The following DNAI2 variants were observed in gnomAD, a reference collection of about 807,000 sequenced individuals.
DNAI2 encodes the protein dynein axonemal intermediate chain 2.
A neutral mutation model predicts 74.7 loss-of-function variants in DNAI2; 63 were observed. The ratio of observed to expected loss-of-function variants is 0.84; its 90% CI spans 0.69 to 1.04. The LOEUF is 1.04. DNAI2 is among the 50% of genes least tolerant of loss of function. DNAI2 has a pLI of 0.00. For missense variants in DNAI2, 688 were observed against 803.2 expected (o/e 0.86, Z 1.73); for synonymous variants, 289 against 314.9 (o/e 0.92, Z 0.87).
In DNAI2 at chr17:74,291,078, G is replaced by A. The variant is rs1211030253; in HGVS notation, c.669G>A (p.Glu223=). 2.5e-6 allele frequency: 4 copies of A among 1,614,108 alleles called. No homozygotes were observed. Among genetic ancestry groups the A allele is most frequent in the Non-Finnish European group, 3.4e-6 (4 of 1,180,052 alleles). ...CATCGTCTCCACTCGTGACGTTGGA[G>A]TTCAACCCCAAAGATTCCCACGTAC... ...LKPSSPLVTL[E]FNPKDSHVLL... Residue 223 remains glutamate (E), a synonymous_variant, in exon 6 of 14, where the codon GAG becomes GAA. Transcript: ENST00000311014.
At chr17:74,277,817 T>A (rs1377510020) in intron 1 of DNAI2, among the ~76,000 whole-genome samples, 2 of 152,264 alleles carry the variant, frequency 1.3e-5, no homozygotes, top group East Asian at 3.8e-4. Flanking sequence ...GGAGTCTGTG[T>A]ATTTTTAAGG....
intron 8 of DNAI2, among the ~76,000 whole-genome samples, chr17:74,301,882 GGAAGGAAGGAAGGAAGGAAGGAAGGAAA>G (rs2052805144): frequency 1.1e-4 from 3 of 27,368 alleles, no homozygotes; most frequent in African/African-American, 1.9e-4. Context: ...AAGGAAGGAA[GGAAGGAAGGAAGGAAGGAAGGAAGGAAA>G]GAAGGAAGGA....
intron 3 of DNAI2, among the ~76,000 whole-genome samples, chr17:74,286,197 G>A (rs1201306407): frequency 6.6e-6 from 1 of 151,262 alleles, no homozygotes; most frequent in Non-Finnish European, 1.5e-5. Flanking sequence ...TTAGGAGGCC[G>A]AGGCAGGAGA....
At chr17:74,299,961 A>C in intron 7 of DNAI2, 104 bp downstream of exon 7, 1 of 1,513,910 alleles carries the variant, frequency 6.6e-7, no homozygotes. Flanking sequence ...AACACATTTT[A>C]TTTTGAGATG....
chr17:74,303,029 C>T (rs1034587802), intron 8 of DNAI2, among the ~76,000 whole-genome samples: 3 of 152,228 alleles, frequency 2.0e-5, no homozygotes, highest in African/African-American at 7.2e-5. Flanking sequence ...CACATCACTA[C>T]TAGGGCCATC....
chr17:74,313,047 C>T (rs539958286), intron 12 of DNAI2, among the ~76,000 whole-genome samples: 2 of 152,306 alleles, frequency 1.3e-5, no homozygotes, highest in Non-Finnish European at 2.9e-5. Context: ...TGAGGGCCCT[C>T]GTTTAAAAAG....
At chr17:74,294,002 C>T (rs1310184212) in intron 6 of DNAI2, among the ~76,000 whole-genome samples, 1 of 151,916 alleles carries the variant, frequency 6.6e-6, no homozygotes, top group African/African-American at 2.4e-5. Flanking sequence ...AGGCTGATCT[C>T]GAACTCCTGG....
chr17:74,309,350 T>C lies in DNAI2; in HGVS notation c.1309T>C (p.Phe437Leu), dbSNP rs150182125. ...GGACGGAACCCTGGATATCTGGGAC[T>C]TCATGTTCGAGCAGTGCGATCCCAC... ...RMDGTLDIWD[F>L]MFEQCDPTLS... Residue 437 changes from phenylalanine to leucine, a missense_variant, in exon 10 of 14, where the codon TTC becomes CTC. By Grantham distance (22) the Phe-to-Leu change is conservative. Coordinates refer to ENST00000311014, the MANE Select transcript of DNAI2 (RefSeq NM_023036.6). 124 of 1,614,194 alleles carry C rather than the reference T, an allele frequency of 7.7e-5. No homozygotes were observed. In the African/African-American group the frequency reaches 1.4e-3, roughly 19 times the overall value.
chr17:74,283,771 G>A (rs1052263169), intron 2 of DNAI2, among the ~76,000 whole-genome samples: 9 of 151,924 alleles, frequency 5.9e-5, no homozygotes, highest in African/African-American at 1.9e-4. Flanking sequence ...AATTAGCCAC[G>A]TGTGGTGGTA....
rs537816710 is a variant in DNAI2 at position 74,309,367 on chromosome 17, C to T, written c.1326C>T (p.Cys442=). The change falls in exon 10 of 14, where the codon TGC becomes TGT. Residue 442 remains cysteine, a synonymous_variant. Coordinates refer to ENST00000311014, the MANE Select transcript of DNAI2 (RefSeq NM_023036.6). The part of the protein sequence containing the change: ...LDIWDFMFEQ[C]DPTLSLKVCD... ...TCTGGGACTTCATGTTCGAGCAGTGCGATCCCACCCTCAGCTTGAAGGTCA... is the reference window on the plus strand; with the variant it reads ...TCTGGGACTTCATGTTCGAGCAGTGTGATCCCACCCTCAGCTTGAAGGTCA... 55 of 1,614,180 alleles carry T rather than the reference C, an allele frequency of 3.4e-5. No homozygotes were observed. The highest frequency in any genetic ancestry group is 2.7e-4 in the East Asian group (12 of 44,870).
chr17:74,283,638 T>C (rs1383143981), intron 2 of DNAI2, among the ~76,000 whole-genome samples: 4 of 151,548 alleles, frequency 2.6e-5, no homozygotes, highest in Non-Finnish European at 5.9e-5. Context: ...ACTAAATAAA[T>C]AATTTTTAAA....
rs138029872 is a variant in DNAI2 at position 74,282,877 on chromosome 17, G to A, written c.183+877G>A. Among the ~76,000 whole-genome samples, 247 of 152,300 alleles carry A rather than the reference G, an allele frequency of 1.6e-3. 1 individual carries two copies. The highest frequency in any genetic ancestry group is 5.6e-3 in the African/African-American group (233 of 41,568). ...TCCAACAGTCAGGTGGGTGTGGGTG[G>A]TTTCAGTGACTCACAGTTCAAATGA... On this transcript the variant is annotated intron_variant, in intron 2 of 13. Coordinates refer to ENST00000311014, the MANE Select transcript of DNAI2 (RefSeq NM_023036.6).
chr17:74,280,771 G>A (rs1446090376), intron 1 of DNAI2, among the ~76,000 whole-genome samples: 1 of 152,116 alleles, frequency 6.6e-6, no homozygotes, highest in African/African-American at 2.4e-5. Flanking sequence ...CTCCTGCCCT[G>A]TCAATAAACA....
At chr17:74,311,901 G>C in intron 11 of DNAI2, 102 bp from the exon 12 acceptor site, 1 of 1,099,992 alleles carries the variant, frequency 9.1e-7, no homozygotes, top group South Asian at 1.3e-5. Context: ...ACTGTATGGA[G>C]AGCAAGGAGA....
At chr17:74,308,557 C>T (rs112286523) in intron 9 of DNAI2, among the ~76,000 whole-genome samples, 13,023 of 151,726 alleles carry the variant, frequency 0.086, 1,251 homozygotes, top group African/African-American at 0.24. Flanking sequence ...GGTCTCACTA[C>T]GTTGCCCAGG....
intron 8 of DNAI2, among the ~76,000 whole-genome samples, chr17:74,304,020 G>T (rs888099677): frequency 1.3e-5 from 2 of 151,700 alleles, no homozygotes; most frequent in African/African-American, 4.8e-5. Context: ...TACGTGGGAG[G>T]CTGAGGTGGG....
intron 12 of DNAI2, among the ~76,000 whole-genome samples, chr17:74,313,126 A>G (rs1298884244): frequency 4.6e-5 from 7 of 152,230 alleles, no homozygotes; most frequent in African/African-American, 1.7e-4. Context: ...GACAGGGTCC[A>G]GTGTATCTGC....
At chr17:74,292,834 C>CCT (rs1555610238) in intron 6 of DNAI2, among the ~76,000 whole-genome samples, 1 of 140,998 alleles carries the variant, frequency 7.1e-6, no homozygotes, top group African/African-American at 2.6e-5. Context: ...TGTAGTTTTC[C>CCT]TTTTTTTTTT....
chr17:74,300,455 A>G lies in DNAI2; in HGVS notation c.865-591A>G, dbSNP rs2052697847. On this transcript the variant is annotated intron_variant, in intron 7 of 13. Coordinates refer to ENST00000311014, the MANE Select transcript of DNAI2 (RefSeq NM_023036.6). The surrounding 1 kb of genome is among the most constrained non-coding windows in gnomAD (Gnocchi z 4.5). ...CTCTTTCTTTTTGCACACTTCACACACTATTCTGTACTCGATGTTTTCCAT... is the reference window on the plus strand; with the variant it reads ...CTCTTTCTTTTTGCACACTTCACACGCTATTCTGTACTCGATGTTTTCCAT... Among the ~76,000 whole-genome samples, 1 of 152,004 alleles carries G rather than the reference A, an allele frequency of 6.6e-6. No homozygotes were observed. The highest frequency in any genetic ancestry group is 2.4e-5 in the African/African-American group (1 of 41,386).
Sources: gnomAD v4.1 joint callset for allele counts (sites outside exome capture counted in the v4.1 genomes callset) on GRCh38, gnomAD v4.1.1 for gene constraint, Gnocchi (gnomAD v3.1) non-coding constraint, MANE v1.5 for transcripts, NCBI Gene and HGNC (gene_info 2026-07-23, HGNC 2026-07-21) for gene names.